Variants in NCKAP5 observed in about 807,000 individuals in gnomAD.
The protein encoded by NCKAP5 is nck-associated protein 5.
NCKAP5 carries 92 observed loss-of-function variants against 167.0 expected under a neutral mutation model. That is an observed-to-expected ratio of 0.55 (90% CI 0.47 to 0.66). The LOEUF (loss-of-function observed/expected upper bound fraction) is 0.66. NCKAP5 is among the 30% of genes least tolerant of loss of function. NCKAP5 has a pLI of 0.00. For missense variants in NCKAP5, 2,378 were observed against 2,315.0 expected, an observed-to-expected ratio of 1.03 and a Z score of -0.56; for synonymous variants, 891 against 877.4, an observed-to-expected ratio of 1.02 and a Z score of -0.27.
At chr2:133,603,557 T>C in the NCKAP5 span, among the ~76,000 whole-genome samples, 2 of 149,674 alleles carry the variant, frequency 1.3e-5, no homozygotes, top group Non-Finnish European at 3.0e-5. Context: ...TTTTCTTTTT[T>C]TGAGACGGAG....
intron 7 of NCKAP5, among the ~76,000 whole-genome samples, chr2:132,972,574 A>G (rs986417257): frequency 6.6e-6 from 1 of 152,066 alleles, no homozygotes; most frequent in Non-Finnish European, 1.5e-5. Flanking sequence ...AAAAAATACA[A>G]AAATTGGCCA....
chr2:133,180,206 A>C (rs1261663519), intron 5 of NCKAP5, among the ~76,000 whole-genome samples: 1 of 152,234 alleles, frequency 6.6e-6, no homozygotes, highest in East Asian at 1.9e-4. Context: ...CCAGAATCCT[A>C]TACCCAGTCA....
intron 3 of NCKAP5, among the ~76,000 whole-genome samples, chr2:133,515,687 A>G (rs75717160): frequency 0.018 from 2,748 of 152,324 alleles, 93 homozygotes; most frequent in African/African-American, 0.062. Context: ...GATTTTACTT[A>G]TGCCCATTTT....
intron 6 of NCKAP5, among the ~76,000 whole-genome samples, chr2:133,069,110 A>C (rs528596900): frequency 6.6e-6 from 1 of 152,332 alleles, no homozygotes; most frequent in East Asian, 1.9e-4. Flanking sequence ...CCAATATTAC[A>C]CTGTGAGATA....
intron 4 of NCKAP5, among the ~76,000 whole-genome samples, chr2:133,260,806 G>A (rs1012844621): frequency 6.6e-6 from 1 of 152,186 alleles, no homozygotes; most frequent in South Asian, 2.1e-4. Context: ...ATTTGCATCA[G>A]GTGAACTGTG....
the NCKAP5 span, among the ~76,000 whole-genome samples, chr2:133,659,456 A>G: frequency 2.6e-5 from 4 of 152,260 alleles, no homozygotes; most frequent in African/African-American, 9.6e-5. Context: ...TTTTAGAAAT[A>G]ATAACAAAAA....
intron 5 of NCKAP5, among the ~76,000 whole-genome samples, chr2:133,131,991 G>C (rs1327710448): frequency 6.6e-6 from 1 of 151,818 alleles, no homozygotes; most frequent in Non-Finnish European, 1.5e-5. Context: ...ACGCTAAATA[G>C]TTCAAAAGTA....
At chr2:132,813,540 A>T (rs1336482240) in intron 11 of NCKAP5, among the ~76,000 whole-genome samples, 1 of 152,138 alleles carries the variant, frequency 6.6e-6, no homozygotes, top group East Asian at 1.9e-4. Context: ...ATTATGCTGC[A>T]TGCTAGAAAA....
intron 2 of NCKAP5, among the ~76,000 whole-genome samples, chr2:133,522,821 A>G (rs567443589): frequency 1.3e-5 from 2 of 152,326 alleles, no homozygotes; most frequent in South Asian, 4.2e-4. Context: ...TGCACCTACA[A>G]AGAGCCATAA....
chr2:133,132,674 A>G (rs1480849115), intron 5 of NCKAP5, among the ~76,000 whole-genome samples: 27 of 146,108 alleles, frequency 1.8e-4, no homozygotes, highest in Non-Finnish European at 6.0e-5. Context: ...ATTTGTACCC[A>G]ATTTTTTTTT....
At chr2:133,307,537 T>A (rs532516445) in intron 3 of NCKAP5, among the ~76,000 whole-genome samples, 1 of 152,296 alleles carries the variant, frequency 6.6e-6, no homozygotes, top group African/African-American at 2.4e-5. Context: ...CTTGTTTGAA[T>A]GCTTATAGCT....
At chr2:132,873,250 C>T (rs1300994109) in intron 9 of NCKAP5, among the ~76,000 whole-genome samples, 1 of 151,958 alleles carries the variant, frequency 6.6e-6, no homozygotes. Flanking sequence ...ACTACAGGCG[C>T]CCACCACCAT....
At chr2:133,120,774 G>T (rs1026358838) in intron 6 of NCKAP5, among the ~76,000 whole-genome samples, 4 of 152,082 alleles carry the variant, frequency 2.6e-5, no homozygotes, top group Non-Finnish European at 5.9e-5. Context: ...TAAGAATGAT[G>T]ACTATTATCA....
intron 16 of NCKAP5, among the ~76,000 whole-genome samples, chr2:132,733,304 A>C (rs1402553694): frequency 6.6e-6 from 1 of 152,186 alleles, no homozygotes; most frequent in African/African-American, 2.4e-5. Flanking sequence ...GGGTAAGCGG[A>C]ACAACTTAGC....
intron 19 of NCKAP5, among the ~76,000 whole-genome samples, chr2:132,712,525 A>T (rs1385369948): frequency 6.6e-6 from 1 of 151,938 alleles, no homozygotes; most frequent in African/African-American, 2.4e-5. Context: ...AGAGGCGGGC[A>T]CCTGTAGTCC....
chr2:132,722,585 G>C (rs1401928263), intron 19 of NCKAP5, among the ~76,000 whole-genome samples: 1 of 152,050 alleles, frequency 6.6e-6, no homozygotes, highest in Non-Finnish European at 1.5e-5. Flanking sequence ...CGGTTGATGT[G>C]CTGATGACAC....
intron 15 of NCKAP5, among the ~76,000 whole-genome samples, chr2:132,779,341 A>C (rs1682823123): frequency 6.6e-6 from 1 of 152,236 alleles, no homozygotes; most frequent in Admixed American, 6.5e-5. Context: ...TGTCAGGACC[A>C]TATTAAATGG....
At chr2:132,935,666 T>C (rs1266391584) in intron 8 of NCKAP5, among the ~76,000 whole-genome samples, 1 of 151,860 alleles carries the variant, frequency 6.6e-6, no homozygotes, top group African/African-American at 2.4e-5. Flanking sequence ...TCTGGAAAAC[T>C]AACTAGTGGT....
intron 8 of NCKAP5, among the ~76,000 whole-genome samples, chr2:132,920,721 A>T (rs376314178): frequency 4.7e-5 from 3 of 63,284 alleles, no homozygotes; most frequent in African/African-American, 1.8e-4. Flanking sequence ...ATATATATGT[A>T]TATATATATA....
Sources: allele counts gnomAD v4.1 joint callset (sites outside exome capture counted in the v4.1 genomes callset), GRCh38; gene constraint gnomAD v4.1.1; transcripts MANE v1.5; gene names NCBI Gene and HGNC (gene_info 2026-07-23, HGNC 2026-07-21).